The following TMEM132C variants were observed in gnomAD, a reference collection of about 807,000 sequenced individuals.
The protein encoded by TMEM132C is protein phosphatase 1, regulatory subunit 152.
TMEM132C carries 29 observed loss-of-function variants against 61.4 expected under a neutral mutation model. That is an observed-to-expected ratio of 0.47 (90% CI 0.35 to 0.64). TMEM132C has a LOEUF of 0.64. Ranked by LOEUF, TMEM132C falls within the 30% of genes least tolerant of loss-of-function variation. The pLI is 0.00. For synonymous variants in TMEM132C, 656 were observed against 633.1 expected, an observed-to-expected ratio of 1.04 and a Z score of -0.54; for missense variants, 1,408 against 1,476.9, an observed-to-expected ratio of 0.95 and a Z score of 0.76.
chr12:128,666,927 G>A (rs557016867), intron 4 of TMEM132C, among the ~76,000 whole-genome samples: 13 of 152,256 alleles, frequency 8.5e-5, no homozygotes, highest in Admixed American at 3.3e-4. Flanking sequence ...AAAATTAGCC[G>A]GGCGTGGTGG....
intron 3 of TMEM132C, among the ~76,000 whole-genome samples, chr12:128,586,671 T>G (rs1316591009): frequency 6.6e-6 from 1 of 152,180 alleles, no homozygotes; most frequent in Non-Finnish European, 1.5e-5. Flanking sequence ...GTGCCTTTTG[T>G]GGAAAGAAAA....
chr12:128,523,811 GAAAAAA>G (rs1555229605), intron 2 of TMEM132C, among the ~76,000 whole-genome samples: 15 of 100,072 alleles, frequency 1.5e-4, no homozygotes, highest in African/African-American at 4.8e-4. Context: ...ACAAGCCCAG[GAAAAAA>G]AAAAAAAAAA....
chr12:128,424,670 C>G (rs1593048533), intron 2 of TMEM132C, among the ~76,000 whole-genome samples: 2 of 152,172 alleles, frequency 1.3e-5, no homozygotes, highest in East Asian at 3.8e-4. Flanking sequence ...GGTTGCACAA[C>G]TTTGTGAATA....
intron 1 of TMEM132C, among the ~76,000 whole-genome samples, chr12:128,358,493 T>TTGTGTGTG (rs58748919): frequency 0.41 from 59,464 of 144,626 alleles, 12,468 homozygotes; most frequent in East Asian, 0.61. Context: ...ACTTTTAAAA[T>TTGTGTGTG]TGTGTGTGTG....
chr12:128,689,593 A>G (rs1954703728), intron 5 of TMEM132C, among the ~76,000 whole-genome samples: 1 of 152,142 alleles, frequency 6.6e-6, no homozygotes, highest in South Asian at 2.1e-4. Context: ...TAGGAGCTTG[A>G]TTTTTGAACA....
intron 3 of TMEM132C, among the ~76,000 whole-genome samples, chr12:128,578,701 G>A (rs1474458429): frequency 1.3e-5 from 2 of 152,084 alleles, no homozygotes; most frequent in African/African-American, 2.4e-5. Flanking sequence ...GGGCTCAAGC[G>A]ATTCTCTTGC....
At chr12:128,700,635 G>A (rs1351740406) in intron 8 of TMEM132C, among the ~76,000 whole-genome samples, 3 of 152,180 alleles carry the variant, frequency 2.0e-5, no homozygotes, top group Admixed American at 6.5e-5. Context: ...CTTTGAAATA[G>A]AAAATCTGAA....
intron 2 of TMEM132C, among the ~76,000 whole-genome samples, chr12:128,420,466 AG>A (rs762014230): frequency 6.6e-6 from 1 of 152,156 alleles, no homozygotes; most frequent in Non-Finnish European, 1.5e-5. Flanking sequence ...TTGGAGAGGT[AG>A]GGGGAGGCGA....
intron 2 of TMEM132C, among the ~76,000 whole-genome samples, chr12:128,530,650 G>T (rs567611485): frequency 6.6e-6 from 1 of 152,198 alleles, no homozygotes; most frequent in Non-Finnish European, 1.5e-5. Context: ...TCACCATGCT[G>T]GTCAGGCTGG....
At chr12:128,291,917 C>G (rs548209206) in intron 1 of TMEM132C, among the ~76,000 whole-genome samples, 4 of 152,312 alleles carry the variant, frequency 2.6e-5, no homozygotes, top group Non-Finnish European at 2.9e-5. Flanking sequence ...CTCAGGAACC[C>G]CGGCTGACCG....
chr12:128,633,766 T>C (rs1027809554), intron 4 of TMEM132C, among the ~76,000 whole-genome samples: 12 of 152,286 alleles, frequency 7.9e-5, no homozygotes, highest in Non-Finnish European at 1.8e-4. Context: ...TTGGCAAATA[T>C]GTGAGTCAAG....
intron 4 of TMEM132C, among the ~76,000 whole-genome samples, chr12:128,658,929 C>T (rs985256891): frequency 2.0e-5 from 3 of 152,148 alleles, no homozygotes; most frequent in African/African-American, 7.2e-5. Context: ...GAGGCTGTAA[C>T]CACTGAAGAG....
intron 2 of TMEM132C, among the ~76,000 whole-genome samples, chr12:128,529,773 A>G (rs1873219539): frequency 6.6e-6 from 1 of 152,146 alleles, no homozygotes. Flanking sequence ...GTGACAGAGC[A>G]AGACAAACAA....
intron 1 of TMEM132C, among the ~76,000 whole-genome samples, chr12:128,322,496 A>G (rs543437358): frequency 7.2e-5 from 11 of 152,376 alleles, no homozygotes; most frequent in African/African-American, 2.2e-4. Flanking sequence ...TCCAAACACT[A>G]CACACAGTGG....
At chr12:128,283,253 G>C (rs1391087508) in intron 1 of TMEM132C, among the ~76,000 whole-genome samples, 1 of 152,180 alleles carries the variant, frequency 6.6e-6, no homozygotes, top group Non-Finnish European at 1.5e-5. Context: ...GTTCTGACAT[G>C]TCCTCCTTCT....
chr12:128,706,062 G>C lies in TMEM132C; in HGVS notation c.3094G>C (p.Gly1032Arg), dbSNP rs765410697. ...CCAGATTCACAGGTCAGCCGACTCC[G>C]GGGGGCGGCAGGGCAGAGAACAGAA... ...QSQIHRSADSGGRQGREQKQD... is the reference protein window; with the variant it reads ...QSQIHRSADSRGRQGREQKQD... The change falls in exon 9 of 9, where the codon GGG becomes CGG. Residue 1032 changes from glycine to arginine, a missense_variant. By Grantham distance (125) the Gly-to-Arg change is moderately radical. Coordinates refer to ENST00000435159, the MANE Select transcript of TMEM132C (RefSeq NM_001136103.3). 27 of 1,551,628 alleles carry C rather than the reference G, an allele frequency of 1.7e-5. No homozygotes were observed. The highest frequency in any genetic ancestry group is 2.4e-5 in the Non-Finnish European group (27 of 1,146,942).
chr12:128,489,275 T>C (rs532533438), intron 2 of TMEM132C, among the ~76,000 whole-genome samples: 1 of 152,110 alleles, frequency 6.6e-6, no homozygotes, highest in African/African-American at 2.4e-5. Flanking sequence ...TTACAGATGA[T>C]GAGACGTGTG....
At chr12:128,359,327 A>T (rs1873621524) in intron 1 of TMEM132C, among the ~76,000 whole-genome samples, 1 of 152,148 alleles carries the variant, frequency 6.6e-6, no homozygotes, top group Non-Finnish European at 1.5e-5. Context: ...GACAAGAGAG[A>T]GCATGTGCAG....
chr12:128,585,679 G>A (rs1185705492), intron 3 of TMEM132C, among the ~76,000 whole-genome samples: 1 of 152,268 alleles, frequency 6.6e-6, no homozygotes, highest in East Asian at 1.9e-4. Flanking sequence ...AGTCAAAGCA[G>A]CAAGCAGCGT....
Sources: gnomAD v4.1 joint callset for allele counts (sites outside exome capture counted in the v4.1 genomes callset) on GRCh38, gnomAD v4.1.1 for gene constraint, MANE v1.5 for transcripts, NCBI Gene and HGNC (gene_info 2026-07-23, HGNC 2026-07-21) for gene names.